Variants in GAN observed in about 807,000 individuals in gnomAD.
The protein encoded by GAN is epididymis secretory sperm binding protein.
A neutral mutation model predicts 71.3 loss-of-function variants in GAN; 48 were observed. That is an observed-to-expected ratio of 0.67 (90% CI 0.53 to 0.86). The LOEUF is 0.86. Among genes scored for constraint, GAN ranks in the 40% least tolerant of loss-of-function variants. The probability of loss-of-function intolerance (pLI) is 0.00; values close to 1 mark genes in which losing one functional copy is unlikely to be tolerated. For synonymous variants in GAN, 386 were observed against 276.8 expected, an observed-to-expected ratio of 1.39 and a Z score of -3.92; for missense variants, 928 against 770.1, an observed-to-expected ratio of 1.21 and a Z score of -2.43.
intron 9 of GAN, among the ~76,000 whole-genome samples, chr16:81,365,920 A>G (rs74533488): frequency 0.013 from 1,999 of 152,232 alleles, 48 homozygotes; most frequent in African/African-American, 0.046. Context: ...CTTAGCATAT[A>G]TAGCCTTTTG....
chr16:81,330,535 A>T (rs1368600633), intron 1 of GAN, among the ~76,000 whole-genome samples: 1 of 152,256 alleles, frequency 6.6e-6, no homozygotes, highest in African/African-American at 2.4e-5. Flanking sequence ...GAATGAATGC[A>T]TGAATAAACT....
Position 81,365,195 on chromosome 16 carries a change from T to G in GAN, c.1373+85T>G, listed in dbSNP as rs758156784. 2.4e-4 allele frequency: 385 copies of G among 1,574,298 alleles called. 2 individuals are homozygous for G. The highest frequency in any genetic ancestry group is 8.9e-4 in the Middle Eastern group (4 of 4,508). ...CTTACCCTGCCTGGCTTTTGTTCTTTTCTTTCAGAGTAACCTTTTCTTTGA... is the reference window on the plus strand; with the variant it reads ...CTTACCCTGCCTGGCTTTTGTTCTTGTCTTTCAGAGTAACCTTTTCTTTGA... On this transcript the variant is annotated intron_variant, in intron 8 of 10. Coordinates refer to ENST00000648994, the MANE Select transcript of GAN (RefSeq NM_022041.4).
At chr16:81,318,641 T>C (rs1043244928) in intron 1 of GAN, among the ~76,000 whole-genome samples, 2 of 152,240 alleles carry the variant, frequency 1.3e-5, no homozygotes, top group Non-Finnish European at 2.9e-5. Context: ...TATAGAAAAG[T>C]CTTTTGACTT....
At chr16:81,341,775 A>T (rs1049105827) in intron 1 of GAN, among the ~76,000 whole-genome samples, 4 of 152,222 alleles carry the variant, frequency 2.6e-5, no homozygotes, top group Non-Finnish European at 2.9e-5. Flanking sequence ...TCAAATTCAC[A>T]CATAAGAATA....
chr16:81,337,580 G>A (rs1344947648), intron 1 of GAN, among the ~76,000 whole-genome samples: 1 of 152,198 alleles, frequency 6.6e-6, no homozygotes, highest in East Asian at 1.9e-4. Context: ...CAGCATTTTG[G>A]AAGCAAGAAG....
At chr16:81,374,359 C>T (rs757408333) in intron 9 of GAN, among the ~76,000 whole-genome samples, 11 of 152,212 alleles carry the variant, frequency 7.2e-5, no homozygotes, top group South Asian at 2.1e-4. Flanking sequence ...GGAGATCATT[C>T]GAGAATTTGC....
chr16:81,363,800 C>G lies in GAN; in HGVS notation c.1093C>G (p.His365Asp). ...ATCGCTAATGTAATTTCAGGCAAGA[C>G]ATAACTTCGGAATTGTGGAGATAGA... Reference protein sequence around the residue: ...TALPPMNEARHNFGIVEIDGM... With the variant: ...TALPPMNEARDNFGIVEIDGM... Residue 365 changes from histidine to aspartate, a missense_variant, in exon 7 of 11, where the codon CAT becomes GAT. Physicochemically the swap from His to Asp is moderately conservative, Grantham distance 81. Coordinates refer to ENST00000648994, the MANE Select transcript of GAN (RefSeq NM_022041.4). The G allele has an allele frequency of 6.2e-7, 1 of 1,613,654 alleles. No homozygotes were observed. Among genetic ancestry groups the G allele is most frequent in the Non-Finnish European group, 8.5e-7 (1 of 1,179,586 alleles).
chr16:81,325,081 T>A (rs1909340829), intron 1 of GAN, among the ~76,000 whole-genome samples: 1 of 152,224 alleles, frequency 6.6e-6, no homozygotes, highest in Non-Finnish European at 1.5e-5. Flanking sequence ...CTCCCAGGCA[T>A]GCTGTTGGCT....
At chr16:81,355,209 A>T (rs1432313424) in intron 3 of GAN, among the ~76,000 whole-genome samples, 1 of 152,140 alleles carries the variant, frequency 6.6e-6, no homozygotes, top group East Asian at 1.9e-4. Flanking sequence ...GGTGTGATTG[A>T]CACCACGCAG....
chr16:81,363,764 T>C (rs1244229712), intron 6 of GAN, 30 bp from the exon 7 acceptor site: 2 of 1,607,256 alleles, frequency 1.2e-6, no homozygotes, highest in Admixed American at 3.3e-5. Flanking sequence ...ATTGGCCTTG[T>C]GTGTTCAGGG....
intron 7 of GAN, among the ~76,000 whole-genome samples, chr16:81,364,500 G>T: frequency 6.6e-6 from 1 of 152,006 alleles, no homozygotes; most frequent in East Asian, 1.9e-4. Flanking sequence ...CTCTTAGGCT[G>T]AAGCGATCCC....
intron 1 of GAN, among the ~76,000 whole-genome samples, chr16:81,328,563 A>G (rs1909465436): frequency 6.6e-6 from 1 of 152,330 alleles, no homozygotes; most frequent in Admixed American, 6.5e-5. Flanking sequence ...TGAAGATAGA[A>G]ACAGATTTGT....
intron 1 of GAN, among the ~76,000 whole-genome samples, chr16:81,316,118 A>T (rs1170176895): frequency 1.3e-5 from 2 of 152,224 alleles, no homozygotes; most frequent in South Asian, 2.1e-4. Flanking sequence ...GACAGTGCTT[A>T]TACAAGTGTA....
chr16:81,355,617 C>G (rs1910461364), intron 3 of GAN, among the ~76,000 whole-genome samples: 1 of 152,202 alleles, frequency 6.6e-6, no homozygotes, highest in Non-Finnish European at 1.5e-5. Flanking sequence ...CCCACTCTAG[C>G]TTCCCAAAGT....
At chr16:81,325,605 G>A (rs568699398) in intron 1 of GAN, among the ~76,000 whole-genome samples, 1 of 152,318 alleles carries the variant, frequency 6.6e-6, no homozygotes, top group East Asian at 1.9e-4. Flanking sequence ...AGGAAGGGAT[G>A]AACATGGAGC....
chr16:81,318,829 AT>A (rs777000545), intron 1 of GAN, among the ~76,000 whole-genome samples: 55 of 152,154 alleles, frequency 3.6e-4, no homozygotes, highest in South Asian at 1.0e-3. Context: ...TCCCCGGGTT[AT>A]GTAGAGAGAG....
At chr16:81,318,824 G>C (rs1909129972) in intron 1 of GAN, among the ~76,000 whole-genome samples, 1 of 152,128 alleles carries the variant, frequency 6.6e-6, no homozygotes, top group Admixed American at 6.5e-5. Context: ...TGGCATCCCC[G>C]GGTTATGTAG....
Position 81,386,582 on chromosome 16 carries a change from A to G in GAN, c.*8986A>G, listed in dbSNP as rs1331141293. 5 of 152,256 alleles carry G rather than the reference A, an allele frequency of 3.3e-5. No individual in the cohort carries two copies. Among genetic ancestry groups the G allele is most frequent in the Non-Finnish European group, 5.9e-5 (4 of 68,056 alleles). The allele number at this position is 152,256 out of a possible 1,614,324, so 9.4% of individuals were successfully genotyped here. A position where few individuals can be genotyped will look rare whatever the true frequency, so the allele number is the denominator to read the frequency against. Reference sequence around the variant, plus strand: ...ATGAGACTGGCAGAGGTAGGAGTATATAATGTGCTCAGCTTGTCTTGATTT... The same window carrying G: ...ATGAGACTGGCAGAGGTAGGAGTATGTAATGTGCTCAGCTTGTCTTGATTT... On this transcript the variant is annotated 3_prime_UTR_variant, in exon 11 of 11. Transcript: ENST00000648994.
At chr16:81,321,687 A>G (rs1343643779) in intron 1 of GAN, among the ~76,000 whole-genome samples, 3 of 152,228 alleles carry the variant, frequency 2.0e-5, no homozygotes, top group Non-Finnish European at 2.9e-5. Context: ...TGTGAGTGCC[A>G]TGCAATAAGT....
Sources: gnomAD v4.1 joint callset for allele counts (sites outside exome capture counted in the v4.1 genomes callset) on GRCh38, gnomAD v4.1.1 for gene constraint, MANE v1.5 for transcripts, NCBI Gene and HGNC (gene_info 2026-07-23, HGNC 2026-07-21) for gene names.